Variants in MDGA2 observed in about 807,000 individuals in gnomAD.
The protein encoded by MDGA2 is MAM domain containing glycosylphosphatidylinositol anchor 2.
Under a neutral mutation model 117.8 loss-of-function variants are expected in MDGA2, and 40 were observed. The ratio of observed to expected loss-of-function variants is 0.34; its 90% CI spans 0.26 to 0.44. The LOEUF (loss-of-function observed/expected upper bound fraction) is 0.44. MDGA2 is among the 20% of genes least tolerant of loss of function. The probability of loss-of-function intolerance (pLI) is 1.00; values close to 1 mark genes in which losing one functional copy is unlikely to be tolerated. For missense variants in MDGA2, 1,123 were observed against 1,250.6 expected, an observed-to-expected ratio of 0.90 and a Z score of 1.54; for synonymous variants, 452 against 439.0, an observed-to-expected ratio of 1.03 and a Z score of -0.37.
intron 8 of MDGA2, among the ~76,000 whole-genome samples, chr14:46,994,521 AC>A: frequency 6.8e-6 from 1 of 147,732 alleles, no homozygotes. Flanking sequence ...ACAAACACAC[AC>A]ACACACACAC....
intron 1 of MDGA2, among the ~76,000 whole-genome samples, chr14:47,597,735 T>C (rs1174671265): frequency 6.6e-6 from 1 of 152,038 alleles, no homozygotes; most frequent in Non-Finnish European, 1.5e-5. Flanking sequence ...GTTTAGTAGT[T>C]GCTACTATGG....
At chr14:47,195,484 TGGG>T (rs1885256374) in intron 3 of MDGA2, among the ~76,000 whole-genome samples, 1 of 152,028 alleles carries the variant, frequency 6.6e-6, no homozygotes, top group African/African-American at 2.4e-5. Context: ...TATTGGGCCA[TGGG>T]AAAATGATAA....
At chr14:47,366,057 T>C (rs1023084783) in intron 1 of MDGA2, among the ~76,000 whole-genome samples, 3 of 152,204 alleles carry the variant, frequency 2.0e-5, no homozygotes, top group Non-Finnish European at 2.9e-5. Flanking sequence ...CGGAAAATCC[T>C]AGCTCCAAAG....
intron 1 of MDGA2, among the ~76,000 whole-genome samples, chr14:47,540,174 C>T (rs570606783): frequency 9.3e-4 from 142 of 152,170 alleles, no homozygotes; most frequent in Non-Finnish European, 6.8e-4. Context: ...CCACCTCGCC[C>T]GGCTAATTTT....
intron 8 of MDGA2, among the ~76,000 whole-genome samples, chr14:46,987,585 C>T (rs528506982): frequency 3.3e-4 from 50 of 152,010 alleles, no homozygotes; most frequent in South Asian, 6.2e-4. Flanking sequence ...CTTGGTGATA[C>T]GAAAATAGAA....
At chr14:47,444,106 C>A in intron 1 of MDGA2, 1 of 191,050 alleles carries the variant, frequency 5.2e-6, no homozygotes, top group South Asian at 1.0e-4. Context: ...CATTACATCC[C>A]TAGAAAAATA....
At chr14:47,488,022 G>T (rs1444257000) in intron 1 of MDGA2, among the ~76,000 whole-genome samples, 1 of 152,118 alleles carries the variant, frequency 6.6e-6, no homozygotes, top group Non-Finnish European at 1.5e-5. Flanking sequence ...AGGCTGTCTT[G>T]TAGGAACTAT....
At chr14:47,252,722 C>A (rs898075279) in intron 2 of MDGA2, among the ~76,000 whole-genome samples, 2 of 152,084 alleles carry the variant, frequency 1.3e-5, no homozygotes, top group African/African-American at 2.4e-5. Context: ...TAGAATACAG[C>A]AAGAACTGGC....
At chr14:47,488,369 C>A (rs906665909) in intron 1 of MDGA2, among the ~76,000 whole-genome samples, 5 of 152,240 alleles carry the variant, frequency 3.3e-5, no homozygotes, top group African/African-American at 1.2e-4. Flanking sequence ...TTTGTTCATG[C>A]ACCAGATTCA....
chr14:47,107,748 C>A (rs1880797254), intron 5 of MDGA2, among the ~76,000 whole-genome samples: 1 of 151,252 alleles, frequency 6.6e-6, no homozygotes, highest in African/African-American at 2.4e-5. Context: ...AATTTTTACA[C>A]AAGAGCCAGG....
chr14:46,864,067 C>T (rs1299939492), intron 14 of MDGA2, among the ~76,000 whole-genome samples: 1 of 143,450 alleles, frequency 7.0e-6, no homozygotes, highest in Non-Finnish European at 1.5e-5. Flanking sequence ...CCTCCCCCCT[C>T]CCCCCACCCC....
intron 1 of MDGA2, among the ~76,000 whole-genome samples, chr14:47,571,438 T>C (rs1463090302): frequency 1.3e-5 from 2 of 152,178 alleles, no homozygotes; most frequent in Non-Finnish European, 2.9e-5. Flanking sequence ...CATTCTACTA[T>C]AAAGTCACAT....
chr14:47,174,414 C>G (rs1256004773), intron 3 of MDGA2, among the ~76,000 whole-genome samples: 1 of 152,112 alleles, frequency 6.6e-6, no homozygotes, highest in Non-Finnish European at 1.5e-5. Flanking sequence ...ATCTCCCCAG[C>G]AAATCTAAAA....
At chr14:47,049,482 T>C (rs1016315764) in intron 7 of MDGA2, among the ~76,000 whole-genome samples, 5 of 152,062 alleles carry the variant, frequency 3.3e-5, no homozygotes, top group African/African-American at 9.7e-5. Flanking sequence ...ACTATATTAG[T>C]TTTTATTTGT....
intron 1 of MDGA2, among the ~76,000 whole-genome samples, chr14:47,585,842 G>C (rs1896315393): frequency 6.6e-6 from 1 of 151,748 alleles, no homozygotes; most frequent in Non-Finnish European, 1.5e-5. Flanking sequence ...CAGTCCGGGA[G>C]CTCTCAGCTT....
At chr14:47,343,322 C>G (rs535182562) in intron 1 of MDGA2, 1 of 997,288 alleles carries the variant, frequency 1.0e-6, no homozygotes, top group South Asian at 2.9e-5. Flanking sequence ...CGCTGTGAGT[C>G]TATTATGAAC....
intron 8 of MDGA2, among the ~76,000 whole-genome samples, chr14:47,000,376 T>TG (rs199540808): frequency 0.05 from 4,309 of 86,382 alleles, 180 homozygotes; most frequent in African/African-American, 0.13. Flanking sequence ...TATATATATA[T>TG]TTATATATAT....
At chr14:47,410,771 C>T (rs556740415) in intron 1 of MDGA2, among the ~76,000 whole-genome samples, 1 of 152,234 alleles carries the variant, frequency 6.6e-6, no homozygotes, top group East Asian at 1.9e-4. Context: ...CTAAATTAAA[C>T]TTGATAAGTA....
intron 6 of MDGA2, among the ~76,000 whole-genome samples, chr14:47,088,164 T>C (rs8003085): frequency 0.32 from 48,054 of 151,944 alleles, 7,936 homozygotes; most frequent in African/African-American, 0.41. Flanking sequence ...GTTAGTTTTA[T>C]TTACAAAAGG....
Sources: allele counts gnomAD v4.1 joint callset (sites outside exome capture counted in the v4.1 genomes callset), GRCh38; gene constraint gnomAD v4.1.1; transcripts MANE v1.5; gene names NCBI Gene and HGNC (gene_info 2026-07-23, HGNC 2026-07-21).